ADAMTS2: variants seen among roughly 807,000 people sequenced by gnomAD.
The protein encoded by ADAMTS2 is ADAM metallopeptidase with thrombospondin type 1 motif 2.
Under a neutral mutation model 123.0 loss-of-function variants are expected in ADAMTS2, and 50 were observed. The ratio of observed to expected loss-of-function variants is 0.41; its 90% CI spans 0.32 to 0.51. The LOEUF is 0.51. Ranked by LOEUF, ADAMTS2 falls within the 20% of genes least tolerant of loss-of-function variation. The pLI is 0.35. For synonymous variants in ADAMTS2, 678 were observed against 695.4 expected (o/e 0.98, Z 0.39); for missense variants, 1,494 against 1,705.2 (o/e 0.88, Z 2.18).
At chr5:179,146,595 G>C (rs534663452) in intron 10 of ADAMTS2, among the ~76,000 whole-genome samples, 16 of 152,332 alleles carry the variant, frequency 1.1e-4, no homozygotes, top group African/African-American at 3.8e-4. Context: ...GTGTTCATCA[G>C]ATTCACTCCT....
In ADAMTS2 at chr5:179,308,783, G is replaced by T. The variant is rs1478417516; in HGVS notation, c.534+34984C>A. Among the ~76,000 whole-genome samples the T allele has an allele frequency of 6.6e-6, 1 of 152,122 alleles. No individual in the cohort carries two copies. On this transcript the variant is annotated intron_variant, in intron 2 of 21. Coordinates refer to ENST00000251582, the MANE Select transcript of ADAMTS2 (RefSeq NM_014244.5). This position sits in a 1 kb window ranked among gnomAD's most constrained non-coding sequence, Gnocchi z 6.6. ...AACCCCACCCTCCTGCAGGTTCCTG[G>T]CCCCTCTGCCTCCTCTTCCTTCCCA... is the stretch of plus-strand genomic sequence containing the variant.
chr5:179,319,377 TATC>T (rs1188661528), intron 2 of ADAMTS2, among the ~76,000 whole-genome samples: 2 of 152,078 alleles, frequency 1.3e-5, no homozygotes, highest in Non-Finnish European at 2.9e-5. Flanking sequence ...CATATGCAGG[TATC>T]ATATGTACAG....
rs1311187089 is a variant in ADAMTS2 at position 179,170,400 on chromosome 5, G to A, written c.975+10672C>T. Reference sequence around the variant, plus strand: ...TCCCCCAGAGTCTGTCCCCACCGTGGGGGGGACAGCTCAGCCCCCTCCTGA... The same window carrying A: ...TCCCCCAGAGTCTGTCCCCACCGTGAGGGGGACAGCTCAGCCCCCTCCTGA... On this transcript the variant is annotated intron_variant, in intron 5 of 21. Transcript: ENST00000251582. The surrounding 1 kb of genome is among the most constrained non-coding windows in gnomAD (Gnocchi z 4.3). 6.6e-6 allele frequency among the ~76,000 whole-genome samples: 1 copy of A among 152,042 alleles called. No individual in the cohort carries two copies. Among genetic ancestry groups the A allele is most frequent in the African/African-American group, 2.4e-5 (1 of 41,376 alleles).
rs977956504 is a variant in ADAMTS2 at position 179,176,918 on chromosome 5, T to C, written c.975+4154A>G. Among the ~76,000 whole-genome samples, 10 of 151,394 alleles carry C rather than the reference T, an allele frequency of 6.6e-5. No homozygotes were observed. In the East Asian group the frequency reaches 2.0e-3, roughly 30 times the overall value. On this transcript the variant is annotated intron_variant, in intron 5 of 21. Transcript: ENST00000251582. Reference sequence around the variant, plus strand: ...CCTCCCAGCCTATGAACTCAGAGCATCTCTATGCTGGTGACTTCACTGGAC... The same window carrying C: ...CCTCCCAGCCTATGAACTCAGAGCACCTCTATGCTGGTGACTTCACTGGAC...
rs908001314 is a variant in ADAMTS2 at position 179,228,362 on chromosome 5, G to T, written c.689-20647C>A. On this transcript the variant is annotated intron_variant, in intron 3 of 21. Transcript: ENST00000251582. The surrounding 1 kb of genome is among the most constrained non-coding windows in gnomAD (Gnocchi z 5.2). ...CACGGACAGGGCTGTTCCTGACTCA[G>T]CTCACTCCACCAGAACCCAGTCTGG... Among the ~76,000 whole-genome samples, 1 of 152,216 alleles carries T rather than the reference G, an allele frequency of 6.6e-6. No individual in the cohort carries two copies. Among genetic ancestry groups the T allele is most frequent in the African/African-American group, 2.4e-5 (1 of 41,454 alleles).
chr5:179,250,493 T>C lies in ADAMTS2; in HGVS notation c.688+22418A>G, dbSNP rs565013550. Among the ~76,000 whole-genome samples, 58 of 152,322 alleles carry C rather than the reference T, an allele frequency of 3.8e-4. No homozygotes were observed. The South Asian group carries it at 0.011, about 28-fold the overall frequency. On this transcript the variant is annotated intron_variant, in intron 3 of 21. Transcript: ENST00000251582. ...AGCTGAGTGAATATAGTAAAAATTA[T>C]GGAATTATGCGCCCGAAACGCTGAA...
At chr5:179,139,721 A>T (rs1353684223) in intron 11 of ADAMTS2, among the ~76,000 whole-genome samples, 169 bp downstream of exon 11, 2 of 152,090 alleles carry the variant, frequency 1.3e-5, no homozygotes, top group African/African-American at 4.8e-5. Flanking sequence ...GCGTCCCCTG[A>T]GCCGTCACCC....
intron 5 of ADAMTS2, among the ~76,000 whole-genome samples, chr5:179,168,797 C>T (rs1195991437): frequency 1.1e-4 from 16 of 152,182 alleles, no homozygotes; most frequent in Non-Finnish European, 4.4e-5. Context: ...GCAAAGTGGG[C>T]TCCCCCAAGG....
chr5:179,319,021 T>A (rs112862699), intron 2 of ADAMTS2, among the ~76,000 whole-genome samples: 3 of 152,336 alleles, frequency 2.0e-5, no homozygotes, highest in African/African-American at 7.2e-5. Context: ...AGCCCTGTTA[T>A]GACTGAGGGT....
intron 4 of ADAMTS2, among the ~76,000 whole-genome samples, chr5:179,200,244 C>CTTTTTTTTTTTTTTTTTTT (rs1051856642): frequency 9.6e-6 from 1 of 103,694 alleles, no homozygotes; most frequent in Non-Finnish European, 1.8e-5. Context: ...CCTTTCTTTC[C>CTTTTTTTTTTTTTTTTTTT]TTTTTTTTTT....
chr5:179,343,335 G>T (rs1387338903), intron 2 of ADAMTS2, among the ~76,000 whole-genome samples: 2 of 152,176 alleles, frequency 1.3e-5, no homozygotes, highest in Non-Finnish European at 2.9e-5. Flanking sequence ...AGACACATAC[G>T]TGCACAAGAG....
intron 4 of ADAMTS2, among the ~76,000 whole-genome samples, chr5:179,183,485 C>CAA (rs1764096608): frequency 6.6e-6 from 1 of 152,228 alleles, no homozygotes; most frequent in Admixed American, 6.5e-5. Context: ...ATCCTGGCTG[C>CAA]TGCCTGGGAC....
intron 3 of ADAMTS2, among the ~76,000 whole-genome samples, chr5:179,214,100 C>T (rs1764920418): frequency 6.6e-6 from 1 of 152,030 alleles, no homozygotes; most frequent in African/African-American, 2.4e-5. Flanking sequence ...GTCACCATTA[C>T]TGAGACACAT....
intron 2 of ADAMTS2, among the ~76,000 whole-genome samples, chr5:179,337,263 C>A (rs1757637054): frequency 6.6e-6 from 1 of 152,116 alleles, no homozygotes; most frequent in South Asian, 2.1e-4. Context: ...AGTACCTCAA[C>A]CCCACTTAAG....
rs751871804 is a variant in ADAMTS2, at chr5:179,272,922, G to A, written c.677C>T (p.Ala226Val). 2.5e-6 allele frequency: 4 copies of A among 1,609,810 alleles called. No homozygotes were observed. The African/African-American group carries it at 4.0e-5, about 16-fold the overall frequency. Reference protein sequence around the residue: ...PTSPPLGGPQALDTGASLDSL... With the variant: ...PTSPPLGGPQVLDTGASLDSL... ...TGCAGTAGCCTCACCTGTGTCCAGG[G>A]CCTGTGGCCCCCCGAGAGGAGGGGA... Residue 226 changes from alanine to valine, a missense_variant, in exon 3 of 22, where the codon GCC (alanine) becomes GTC (valine). Physicochemically the swap from Ala to Val is moderately conservative, Grantham distance 64. Transcript: ENST00000251582. The surrounding 1 kb of genome is among the most constrained non-coding windows in gnomAD (Gnocchi z 5.8).
intron 3 of ADAMTS2, among the ~76,000 whole-genome samples, chr5:179,270,514 TATACACACACACAC>T (rs1766500549): frequency 7.5e-6 from 1 of 133,196 alleles, no homozygotes. Flanking sequence ...AAGGGTCCCC[TATACACACACACAC>T]ATACACACAC....
In ADAMTS2 at chr5:179,130,010, C is replaced by T. The variant is rs1762930781; in HGVS notation, c.2379G>A (p.Val793=). The T allele has an allele frequency of 1.9e-6, 3 of 1,614,172 alleles. No homozygotes were observed. The highest frequency in any genetic ancestry group is 4.5e-5 in the East Asian group (2 of 44,880). ...CGTCCTCGTCTCTGTACTCCCACTC[C>T]ACGCCCATGGCAATGAAGGTTTTGG... ...ASSKTFIAMG[V]EWEYRDEDGR... The change falls in exon 16 of 22, where the codon GTG becomes GTA. Residue 793 remains valine, a synonymous_variant. Transcript: ENST00000251582. This position sits in a 1 kb window ranked among gnomAD's most constrained non-coding sequence, Gnocchi z 4.3.
At position 179,132,415 on chromosome 5, in the gene ADAMTS2, G is replaced by A. The variant is rs1762980865; in HGVS notation, c.2210-105C>T. On this transcript the variant is annotated intron_variant, in intron 14 of 21. Coordinates refer to ENST00000251582, the MANE Select transcript of ADAMTS2 (RefSeq NM_014244.5). The surrounding 1 kb of genome is among the most constrained non-coding windows in gnomAD (Gnocchi z 6.1). ...GCTCTTGAAGGCAGCTCCTCCGGAGGCTCTCCCAGGACCCTGGTATTTCTC... is the reference window on the plus strand; with the variant it reads ...GCTCTTGAAGGCAGCTCCTCCGGAGACTCTCCCAGGACCCTGGTATTTCTC... 1 of 1,101,554 alleles carries A rather than the reference G, an allele frequency of 9.1e-7. No individual in the cohort carries two copies. The highest frequency in any genetic ancestry group is 1.3e-6 in the Non-Finnish European group (1 of 743,138). The allele number at this position is 1,101,554 out of a possible 1,614,324, so 68.2% of individuals were successfully genotyped here. A position where few individuals can be genotyped will look rare whatever the true frequency, so the allele number is the denominator to read the frequency against.
At chr5:179,268,933 T>C (rs967903871) in intron 3 of ADAMTS2, among the ~76,000 whole-genome samples, 1 of 152,206 alleles carries the variant, frequency 6.6e-6, no homozygotes, top group African/African-American at 2.4e-5. Context: ...TGGATCCTGA[T>C]CCCTGCAACC....
Sources: allele counts gnomAD v4.1 joint callset (sites outside exome capture counted in the v4.1 genomes callset), GRCh38; gene constraint gnomAD v4.1.1; non-coding constraint Gnocchi (gnomAD v3.1); transcripts MANE v1.5; gene names NCBI Gene and HGNC (gene_info 2026-07-23, HGNC 2026-07-21).